SCFD2: variants seen among roughly 807,000 people sequenced by gnomAD.
The protein encoded by SCFD2 is sec1 family domain containing 2.
In SCFD2, 54 loss-of-function variants were observed where a neutral mutation model predicts 58.9. That is an observed-to-expected ratio of 0.92 (90% CI 0.74 to 1.15). The LOEUF (loss-of-function observed/expected upper bound fraction) is 1.15, where lower values mean the gene tolerates loss of function less well. Among genes scored for constraint, SCFD2 ranks in the 50% most tolerant of loss-of-function variants. The pLI, the probability that SCFD2 is intolerant of heterozygous loss-of-function variation, is 0.00. For missense variants in SCFD2, 805 were observed against 836.6 expected (o/e 0.96, Z 0.47); for synonymous variants, 321 against 335.9 (o/e 0.96, Z 0.49).
At chr4:53,301,837 C>G (rs1482780421) in intron 3 of SCFD2, among the ~76,000 whole-genome samples, 1 of 152,052 alleles carries the variant, frequency 6.6e-6, no homozygotes, top group African/African-American at 2.4e-5. Context: ...ATAAACAGAA[C>G]CAAAGACAAA....
At chr4:53,247,725 G>C (rs1471350042) in intron 4 of SCFD2, among the ~76,000 whole-genome samples, 2 of 149,840 alleles carry the variant, frequency 1.3e-5, no homozygotes, top group Non-Finnish European at 3.0e-5. Context: ...GCCGGGCGCG[G>C]TGGCGGGCGC....
chr4:52,933,576 C>T (rs1380088816), intron 5 of SCFD2, among the ~76,000 whole-genome samples: 3 of 152,096 alleles, frequency 2.0e-5, no homozygotes, highest in African/African-American at 7.2e-5. Flanking sequence ...CTCTTTCCTT[C>T]TGCAGGATGG....
rs188300634 is a variant in SCFD2 at position 53,114,616 on chromosome 4, A to G, written c.1561+30717T>C. On this transcript the variant is annotated intron_variant, in intron 5 of 8. Transcript: ENST00000401642. ...AAAGGCTGAAAGAAAAATACATTCA[A>G]TGAAAACATTTTTCAGAATTGAAGG... Among the ~76,000 whole-genome samples the G allele has an allele frequency of 1.5e-3, 232 of 152,282 alleles. 1 individual carries two copies. The highest frequency in any genetic ancestry group is 5.4e-3 in the African/African-American group (226 of 41,562).
chr4:53,250,619 C>T (rs1730328211), intron 4 of SCFD2, among the ~76,000 whole-genome samples: 1 of 152,210 alleles, frequency 6.6e-6, no homozygotes, highest in Non-Finnish European at 1.5e-5. Context: ...TACATGGAAA[C>T]TGAGCAAGCT....
rs571353015 is a variant in SCFD2, at chr4:53,238,396, CG to C, written c.1311+35429del. Among the ~76,000 whole-genome samples the C allele has an allele frequency of 7.8e-3, 1,034 of 132,572 alleles. 11 individuals carry two copies. The highest frequency in any genetic ancestry group is 0.033 in the Middle Eastern group (6 of 184). 87.0% of individuals were successfully genotyped at this position (132,572 alleles called of 152,430 possible). ...CTCCCGGACAGGGCGGCTGGCCTGG[CG>C]GGGGGCTGACCCCCCTACCTCCCTC... On this transcript the variant is annotated intron_variant, in intron 4 of 8. Coordinates refer to ENST00000401642, the MANE Select transcript of SCFD2 (RefSeq NM_152540.4).
intron 6 of SCFD2, among the ~76,000 whole-genome samples, chr4:52,917,226 G>A (rs1053852670): frequency 3.9e-5 from 6 of 152,194 alleles, no homozygotes; most frequent in Admixed American, 2.6e-4. Flanking sequence ...AGTTTTATAC[G>A]TATTAATTCA....
At chr4:53,203,550 T>C (rs1015167376) in intron 4 of SCFD2, among the ~76,000 whole-genome samples, 2 of 152,038 alleles carry the variant, frequency 1.3e-5, no homozygotes, top group Admixed American at 6.5e-5. Context: ...TTTTTATACA[T>C]TAATAAACCC....
At chr4:53,002,747 G>A (rs2148801587) in intron 5 of SCFD2, among the ~76,000 whole-genome samples, 1 of 152,322 alleles carries the variant, frequency 6.6e-6, no homozygotes. Context: ...TGTTGTACCA[G>A]TCTGTTCTCA....
intron 5 of SCFD2, among the ~76,000 whole-genome samples, chr4:53,119,924 A>C (rs1725431838): frequency 6.6e-6 from 1 of 152,142 alleles, no homozygotes; most frequent in Non-Finnish European, 1.5e-5. Context: ...ATAGAAAAGT[A>C]ATTACTGCAG....
chr4:53,185,477 T>C (rs963806942), intron 4 of SCFD2, among the ~76,000 whole-genome samples: 5 of 152,090 alleles, frequency 3.3e-5, no homozygotes, highest in African/African-American at 1.2e-4. Flanking sequence ...TAAAATTCTA[T>C]TGTAGACTCC....
chr4:53,331,312 C>G (rs1444719140), intron 2 of SCFD2, among the ~76,000 whole-genome samples: 1 of 151,468 alleles, frequency 6.6e-6, no homozygotes, highest in African/African-American at 2.4e-5. Context: ...AGCACCACAC[C>G]ACACCTATTC....
At chr4:53,353,115 T>C (rs1368295999) in intron 1 of SCFD2, among the ~76,000 whole-genome samples, 13 of 152,206 alleles carry the variant, frequency 8.5e-5, no homozygotes, top group Admixed American at 8.5e-4. Context: ...TTAAAGATGG[T>C]GTGTCCGGAG....
At chr4:53,314,970 A>G (rs546505793) in intron 2 of SCFD2, among the ~76,000 whole-genome samples, 2 of 152,338 alleles carry the variant, frequency 1.3e-5, no homozygotes, top group East Asian at 1.9e-4. Context: ...CTACATGCCA[A>G]GCCCTGTATT....
At chr4:53,025,444 T>C (rs1348467774) in intron 5 of SCFD2, among the ~76,000 whole-genome samples, 1 of 152,228 alleles carries the variant, frequency 6.6e-6, no homozygotes, top group Admixed American at 6.5e-5. Context: ...ATATTCTCCA[T>C]GCTGCTGATG....
chr4:52,993,980 C>T (rs1721683852), intron 5 of SCFD2, among the ~76,000 whole-genome samples: 1 of 152,258 alleles, frequency 6.6e-6, no homozygotes, highest in South Asian at 2.1e-4. Flanking sequence ...GCTTGGGCCC[C>T]AGCCCTCCTC....
chr4:52,992,781 C>A (rs11735529), intron 5 of SCFD2, among the ~76,000 whole-genome samples: 1 of 151,616 alleles, frequency 6.6e-6, no homozygotes, highest in African/African-American at 2.4e-5. Context: ...TGAAGCCCCC[C>A]CTCCGCCAGG....
chr4:53,183,186 T>C (rs919072592), intron 4 of SCFD2, among the ~76,000 whole-genome samples: 3 of 152,134 alleles, frequency 2.0e-5, no homozygotes, highest in African/African-American at 7.2e-5. Context: ...CATGCTGCTA[T>C]AAAGACACAC....
chr4:53,359,037 T>C (rs769383000), intron 1 of SCFD2, among the ~76,000 whole-genome samples: 1 of 152,086 alleles, frequency 6.6e-6, no homozygotes, highest in Non-Finnish European at 1.5e-5. Flanking sequence ...CGCTATTACC[T>C]GGAACAGTGC....
At chr4:53,135,312 A>C (rs78007408) in intron 5 of SCFD2, among the ~76,000 whole-genome samples, 6,461 of 152,314 alleles carry the variant, frequency 0.042, 315 homozygotes, top group African/African-American at 0.12. Flanking sequence ...AATAAGATTT[A>C]TTTGACTCAT....
Sources: allele counts gnomAD v4.1 joint callset (sites outside exome capture counted in the v4.1 genomes callset), GRCh38; gene constraint gnomAD v4.1.1; transcripts MANE v1.5; gene names NCBI Gene and HGNC (gene_info 2026-07-23, HGNC 2026-07-21).